Variants in PTPRU observed in about 807,000 individuals in gnomAD.
The protein encoded by PTPRU is protein tyrosine phosphatase receptor type U.
In PTPRU, 69 loss-of-function variants were observed where a neutral mutation model predicts 166.3. The observed-to-expected ratio is 0.41, with a 90% CI of 0.34 to 0.51. The LOEUF (loss-of-function observed/expected upper bound fraction) is 0.51. PTPRU is among the 20% of genes least tolerant of loss of function. The pLI is 0.09. For missense variants in PTPRU, 1,657 were observed against 2,013.7 expected, an observed-to-expected ratio of 0.82 and a Z score of 3.39; for synonymous variants, 793 against 814.0, an observed-to-expected ratio of 0.97 and a Z score of 0.44.
At chr1:29,309,331 A>G (rs2151965786) in intron 18 of PTPRU, among the ~76,000 whole-genome samples, 1 of 152,170 alleles carries the variant, frequency 6.6e-6, no homozygotes, top group African/African-American at 2.4e-5. Flanking sequence ...CGGGAGATTT[A>G]TGTCTCAAGA....
At chr1:29,262,614 A>G (rs536278581) in intron 7 of PTPRU, among the ~76,000 whole-genome samples, 155 of 152,286 alleles carry the variant, frequency 1.0e-3, no homozygotes, top group African/African-American at 3.5e-3. Context: ...GTGTGTATGT[A>G]TAGGAAAAAC....
chr1:29,245,544 C>T (rs1382787576), intron 1 of PTPRU, among the ~76,000 whole-genome samples: 1 of 152,228 alleles, frequency 6.6e-6, no homozygotes, highest in East Asian at 1.9e-4. Flanking sequence ...CCTCCTTGCA[C>T]AGCCCTGTGT....
At chr1:29,313,147 G>T (rs1166913569) in intron 22 of PTPRU, among the ~76,000 whole-genome samples, 2 of 152,164 alleles carry the variant, frequency 1.3e-5, no homozygotes, top group Admixed American at 1.3e-4. Context: ...GACCCTGACT[G>T]GCTCCCGTGA....
intron 17 of PTPRU, 141 bp downstream of exon 17, chr1:29,304,990 A>G (rs1035189869): frequency 5.9e-6 from 4 of 683,444 alleles, no homozygotes; most frequent in Middle Eastern, 3.9e-4. Context: ...ACCACACGTC[A>G]CGCCCTGTGC....
intron 7 of PTPRU, among the ~76,000 whole-genome samples, chr1:29,273,700 G>A (rs980586509): frequency 3.3e-5 from 5 of 152,172 alleles, no homozygotes; most frequent in Non-Finnish European, 2.9e-5. Context: ...ACTGTGCCCA[G>A]CCCAGTTTCT....
At chr1:29,243,208 T>C (rs1477189401) in intron 1 of PTPRU, among the ~76,000 whole-genome samples, 1 of 151,860 alleles carries the variant, frequency 6.6e-6, no homozygotes, top group Non-Finnish European at 1.5e-5. Context: ...AGGCTTTTGG[T>C]TTCTAATGCT....
chr1:29,286,996 T>A (rs550012135), intron 14 of PTPRU, among the ~76,000 whole-genome samples: 32 of 152,202 alleles, frequency 2.1e-4, no homozygotes, highest in African/African-American at 7.7e-4. Context: ...GCAGTCTGCA[T>A]TGTGGGTATC....
At position 29,259,453 on chromosome 1, in the gene PTPRU, G is replaced by A. The variant is rs768248717; in HGVS notation, c.564G>A (p.Lys188=). The A allele has an allele frequency of 1.7e-5, 27 of 1,610,944 alleles. No individual in the cohort carries two copies. In the Admixed American group the frequency reaches 3.7e-4, roughly 22 times the overall value. The part of the protein sequence containing the change: ...DILLLSYPCA[K]APHFSRLGDV... Reference sequence around the variant, plus strand: ...GATGCAGCTCTAACCCCGCAGCAAAGGCCCCACACTTCTCCCGCCTGGGCG... The same window carrying A: ...GATGCAGCTCTAACCCCGCAGCAAAAGCCCCACACTTCTCCCGCCTGGGCG... The change falls in exon 5 of 30, where the codon AAG becomes AAA. Residue 188 remains lysine (K), a synonymous_variant. Coordinates refer to ENST00000373779, the MANE Select transcript of PTPRU (RefSeq NM_133178.4).
In PTPRU at chr1:29,259,496, G is replaced by A; in HGVS notation, c.607G>A (p.Gly203Ser). The change falls in exon 5 of 30, where the codon GGC (glycine) becomes AGC (serine). Residue 203 changes from glycine to serine, a missense_variant. Gly to Ser is a moderately conservative substitution (Grantham distance 56). Transcript: ENST00000373779. The part of the protein sequence containing the change: ...SRLGDVEVNA[G>S]QNASFQCMAA... Reference sequence around the variant, plus strand: ...CCTGGGCGACGTGGAGGTCAACGCGGGCCAGAACGCGTCGTTCCAGTGCAT... The same window carrying A: ...CCTGGGCGACGTGGAGGTCAACGCGAGCCAGAACGCGTCGTTCCAGTGCAT... 1 of 1,612,208 alleles carries A rather than the reference G, an allele frequency of 6.2e-7. No individual in the cohort carries two copies. The highest frequency in any genetic ancestry group is 8.5e-7 in the Non-Finnish European group (1 of 1,179,108).
intron 7 of PTPRU, 58 bp from the exon 8 acceptor site, chr1:29,275,390 C>G: frequency 4.7e-6 from 7 of 1,474,920 alleles, no homozygotes; most frequent in Non-Finnish European, 5.6e-6. Flanking sequence ...CCCTGTTCTT[C>G]TTCCTCTTCT....
chr1:29,284,100 C>T, intron 13 of PTPRU, 124 bp downstream of exon 13: 1 of 1,179,342 alleles, frequency 8.5e-7, no homozygotes, highest in African/African-American at 1.5e-5. Context: ...AGTCCTGGGG[C>T]CAGGAGGGGC....
intron 14 of PTPRU, chr1:29,289,706 A>G: frequency 1.2e-6 from 2 of 1,613,888 alleles, no homozygotes; most frequent in Non-Finnish European, 8.5e-7. Context: ...GCCTACTCCT[A>G]CTACCCGTAA....
At chr1:29,243,700 G>C (rs1684157366) in intron 1 of PTPRU, among the ~76,000 whole-genome samples, 1 of 152,238 alleles carries the variant, frequency 6.6e-6, no homozygotes, top group African/African-American at 2.4e-5. Context: ...ACTAGGCTGG[G>C]AGCCCCCAGG....
chr1:29,247,262 G>A (rs184833083), intron 1 of PTPRU, among the ~76,000 whole-genome samples: 1 of 152,344 alleles, frequency 6.6e-6, no homozygotes, highest in East Asian at 1.9e-4. Flanking sequence ...GCAGTGGCGC[G>A]GTGTGCCTTG....
Position 29,315,908 on chromosome 1 carries a change from AC to A in PTPRU, c.3364-91del. ...ACATGGTTGGCCTCCACCTCAGGAC[AC>A]CCTGCTTCAACCTTGAGCTTGCTTA... On this transcript the variant is annotated intron_variant, in intron 23 of 29. Coordinates refer to ENST00000373779, the MANE Select transcript of PTPRU (RefSeq NM_133178.4). This position sits in a 1 kb window ranked among gnomAD's most constrained non-coding sequence, Gnocchi z 4.5. 6.8e-7 allele frequency: 1 copy of A among 1,466,190 alleles called. No homozygotes were observed. Among genetic ancestry groups the A allele is most frequent in the Non-Finnish European group, 9.3e-7 (1 of 1,078,558 alleles). The allele number at this position is 1,466,190 out of a possible 1,614,324, so 90.8% of individuals were successfully genotyped here. A position where few individuals can be genotyped will look rare whatever the true frequency, so the allele number is the denominator to read the frequency against.
rs1484687439 is a variant in PTPRU, at chr1:29,257,453, C to T, written c.206-1052C>T. On this transcript the variant is annotated intron_variant, in intron 2 of 29. Transcript: ENST00000373779. This position sits in a 1 kb window ranked among gnomAD's most constrained non-coding sequence, Gnocchi z 4.6. ...GAGCTTGTGTTGGCTGGCAGCCAAG[C>T]CCGGGAGGAGGCAGCGCTGGGTGGT... 1.3e-5 allele frequency among the ~76,000 whole-genome samples: 2 copies of T among 152,176 alleles called. No homozygotes were observed. Among genetic ancestry groups the T allele is most frequent in the African/African-American group, 4.8e-5 (2 of 41,432 alleles).
chr1:29,265,944 T>A (rs1685279422), intron 7 of PTPRU, among the ~76,000 whole-genome samples: 1 of 151,980 alleles, frequency 6.6e-6, no homozygotes, highest in Non-Finnish European at 1.5e-5. Flanking sequence ...CTTTTATGAA[T>A]TGTGGTTTTG....
chr1:29,294,273 A>T (rs143779854), intron 15 of PTPRU, among the ~76,000 whole-genome samples: 1 of 152,230 alleles, frequency 6.6e-6, no homozygotes, highest in Non-Finnish European at 1.5e-5. Context: ...ATTAGTTTGT[A>T]TAAAATGGTA....
At chr1:29,305,509 C>G in intron 18 of PTPRU, 81 bp downstream of exon 18, 2 of 1,406,760 alleles carry the variant, frequency 1.4e-6, no homozygotes, top group East Asian at 4.6e-5. Flanking sequence ...AGAAACCTGT[C>G]GGGATAAATG....
Sources: allele counts gnomAD v4.1 joint callset (sites outside exome capture counted in the v4.1 genomes callset), GRCh38; gene constraint gnomAD v4.1.1; non-coding constraint Gnocchi (gnomAD v3.1); transcripts MANE v1.5; gene names NCBI Gene and HGNC (gene_info 2026-07-23, HGNC 2026-07-21).